The following RAPGEF2 variants were observed in gnomAD, a reference collection of about 807,000 sequenced individuals.
RAPGEF2 encodes the protein Rap guanine nucleotide exchange factor 2, also known as PDZ domain containing guanine nucleotide exchange factor (GEF) 1.
In RAPGEF2, 54 loss-of-function variants were observed where a neutral mutation model predicts 186.7. That is an observed-to-expected ratio of 0.29 (90% CI 0.23 to 0.36). The LOEUF (loss-of-function observed/expected upper bound fraction) is 0.36, where lower values mean the gene tolerates loss of function less well. RAPGEF2 is among the 10% of genes least tolerant of loss of function. RAPGEF2 has a pLI of 1.00. For missense variants in RAPGEF2, 1,532 were observed against 2,045.0 expected (o/e 0.75, Z 4.84); for synonymous variants, 712 against 705.9 (o/e 1.01, Z -0.14).
chr4:159,303,492 TATA>T (rs1473022332), intron 7 of RAPGEF2, among the ~76,000 whole-genome samples: 11 of 152,164 alleles, frequency 7.2e-5, no homozygotes, highest in Non-Finnish European at 1.5e-5. Context: ...TATAGACAAA[TATA>T]ATGTCTTTTT....
intron 7 of RAPGEF2, among the ~76,000 whole-genome samples, chr4:159,277,654 A>T (rs1287238730): frequency 6.6e-6 from 1 of 151,972 alleles, no homozygotes; most frequent in Non-Finnish European, 1.5e-5. Flanking sequence ...TGTGGTTTTG[A>T]TTTGTGTTTC....
intron 7 of RAPGEF2, among the ~76,000 whole-genome samples, chr4:159,252,557 A>C (rs1285836626): frequency 6.6e-6 from 1 of 152,268 alleles, no homozygotes; most frequent in Non-Finnish European, 1.5e-5. Context: ...AGGAATACTG[A>C]CGGCTCAGTT....
chr4:159,156,851 TAAC>T (rs1744187062), intron 1 of RAPGEF2, among the ~76,000 whole-genome samples: 2 of 152,252 alleles, frequency 1.3e-5, no homozygotes, highest in South Asian at 4.1e-4. Flanking sequence ...AACCCAAAAA[TAAC>T]AATGCAACAA....
At chr4:159,168,595 A>G (rs1434871170) in intron 1 of RAPGEF2, among the ~76,000 whole-genome samples, 3 of 152,142 alleles carry the variant, frequency 2.0e-5, no homozygotes, top group Non-Finnish European at 4.4e-5. Flanking sequence ...GGCAGAAGAC[A>G]TCACTTTATA....
At chr4:159,267,833 T>G in intron 7 of RAPGEF2, 1 of 1,060,246 alleles carries the variant, frequency 9.4e-7, no homozygotes, top group Non-Finnish European at 1.1e-6. Flanking sequence ...TGCCTCTTGT[T>G]CTTCAATCTC....
chr4:159,179,141 G>A (rs1746762094), intron 1 of RAPGEF2, among the ~76,000 whole-genome samples: 2 of 152,136 alleles, frequency 1.3e-5, no homozygotes, highest in African/African-American at 4.8e-5. Flanking sequence ...GCTGCTTCCT[G>A]GTTAAAGCAA....
chr4:159,252,733 C>T (rs982882860), intron 7 of RAPGEF2, among the ~76,000 whole-genome samples: 1 of 152,228 alleles, frequency 6.6e-6, no homozygotes, highest in Admixed American at 6.5e-5. Context: ...CATTCTTTCA[C>T]ATCAGCTAAG....
intron 9 of RAPGEF2, among the ~76,000 whole-genome samples, chr4:159,318,548 C>A (rs888252837): frequency 6.6e-6 from 1 of 152,100 alleles, no homozygotes; most frequent in Non-Finnish European, 1.5e-5. Context: ...GAAAAAAATT[C>A]CCTTTGGGTT....
At chr4:159,178,670 G>A (rs1746708239) in intron 1 of RAPGEF2, among the ~76,000 whole-genome samples, 1 of 142,040 alleles carries the variant, frequency 7.0e-6, no homozygotes, top group Non-Finnish European at 1.5e-5. Context: ...CGATTCTCCT[G>A]CCTCAGCCCC....
intron 1 of RAPGEF2, among the ~76,000 whole-genome samples, chr4:159,144,012 C>T (rs1579297248): frequency 6.6e-6 from 1 of 152,024 alleles, no homozygotes; most frequent in East Asian, 1.9e-4. Context: ...ATTCTTTTTT[C>T]CTGTCTATGT....
chr4:159,226,352 T>C (rs1282440570), intron 4 of RAPGEF2, among the ~76,000 whole-genome samples: 1 of 152,222 alleles, frequency 6.6e-6, no homozygotes, highest in East Asian at 1.9e-4. Flanking sequence ...CTTGTGTTCC[T>C]TTGCTTTACA....
At chr4:159,261,047 G>C (rs1044043570) in intron 7 of RAPGEF2, among the ~76,000 whole-genome samples, 1 of 145,232 alleles carries the variant, frequency 6.9e-6, no homozygotes, top group African/African-American at 2.5e-5. Context: ...GAGCCACTGT[G>C]CCCCACCAGG....
At chr4:159,195,890 T>G (rs1027303897) in intron 3 of RAPGEF2, among the ~76,000 whole-genome samples, 11 of 147,528 alleles carry the variant, frequency 7.5e-5, no homozygotes, top group South Asian at 4.4e-4. Flanking sequence ...TTTTTTTTTT[T>G]TTTTTTTTTT....
In RAPGEF2 at chr4:159,322,333, C is replaced by T; in HGVS notation, c.854-14C>T. 2 of 1,611,788 alleles carry T rather than the reference C, an allele frequency of 1.2e-6. No homozygotes were observed. On this transcript the variant is annotated splice_polypyrimidine_tract_variant and intron_variant, in intron 9 of 29. Transcript: ENST00000691494. ...AAGTAGTAGTTTTTACAAAGTATGTCTTTTGCTTTTCAGAACAACTCTTGG... is the reference window on the plus strand; with the variant it reads ...AAGTAGTAGTTTTTACAAAGTATGTTTTTTGCTTTTCAGAACAACTCTTGG...
intron 1 of RAPGEF2, among the ~76,000 whole-genome samples, chr4:159,168,978 G>C (rs1463662389): frequency 2.0e-5 from 3 of 152,136 alleles, no homozygotes; most frequent in African/African-American, 7.2e-5. Flanking sequence ...TTTCTATCTT[G>C]CATTGTGGCC....
chr4:159,322,549 A>G (rs1765363163), intron 10 of RAPGEF2, 66 bp downstream of exon 10: 11 of 1,397,734 alleles, frequency 7.9e-6, no homozygotes, highest in Non-Finnish European at 1.1e-5. Context: ...GCAATTGAAC[A>G]AAACCCCAAT....
intron 7 of RAPGEF2, among the ~76,000 whole-genome samples, chr4:159,264,481 T>G (rs1355937251): frequency 6.6e-6 from 1 of 152,170 alleles, no homozygotes; most frequent in East Asian, 1.9e-4. Context: ...AGAGGAGTGT[T>G]TTGGCACATG....
chr4:159,281,033 T>C (rs1759628585), intron 7 of RAPGEF2, among the ~76,000 whole-genome samples: 1 of 151,314 alleles, frequency 6.6e-6, no homozygotes, highest in East Asian at 2.0e-4. Context: ...GTCTCCAGGC[T>C]AGAGTGCGGT....
chr4:159,268,293 C>A, intron 7 of RAPGEF2: 2 of 1,245,628 alleles, frequency 1.6e-6, no homozygotes, highest in Non-Finnish European at 2.4e-6. Context: ...GTTGCTCTTT[C>A]TCTTCAGGGA....
Sources: allele counts gnomAD v4.1 joint callset (sites outside exome capture counted in the v4.1 genomes callset), GRCh38; gene constraint gnomAD v4.1.1; transcripts MANE v1.5; gene names NCBI Gene and HGNC (gene_info 2026-07-23, HGNC 2026-07-21).